Variants in RANBP17 observed in about 807,000 individuals in gnomAD.
RANBP17 encodes the protein ran-binding protein 17.
RANBP17 carries 158 observed loss-of-function variants against 141.2 expected under a neutral mutation model. The observed-to-expected ratio is 1.12, with a 90% confidence interval of 0.98 to 1.28. RANBP17 has a LOEUF of 1.28. Among genes scored for constraint, RANBP17 ranks in the 50% most tolerant of loss-of-function variants. The pLI, the probability that RANBP17 is intolerant of heterozygous loss-of-function variation, is 0.00. For missense variants in RANBP17, 1,438 were observed against 1,290.7 expected, an observed-to-expected ratio of 1.11 and a Z score of -1.75; for synonymous variants, 430 against 450.0, an observed-to-expected ratio of 0.96 and a Z score of 0.56.
At chr5:170,914,364 A>G (rs569441429) in intron 8 of RANBP17, 124 bp downstream of exon 8, 2 of 657,818 alleles carry the variant, frequency 3.0e-6, no homozygotes, top group East Asian at 2.7e-5. Context: ...AAGTTCTTAT[A>G]TTTTCTGGGA....
intron 16 of RANBP17, among the ~76,000 whole-genome samples, chr5:171,173,635 C>T (rs1358997650): frequency 6.6e-6 from 1 of 151,972 alleles, no homozygotes; most frequent in African/African-American, 2.4e-5. Flanking sequence ...CACACAAGAC[C>T]CCCATTTTTA....
intron 25 of RANBP17, among the ~76,000 whole-genome samples, chr5:171,268,624 G>A (rs1181246755): frequency 6.6e-6 from 1 of 151,856 alleles, no homozygotes; most frequent in East Asian, 1.9e-4. Flanking sequence ...CATGAAGAAG[G>A]TTGAGGATCA....
intron 14 of RANBP17, among the ~76,000 whole-genome samples, chr5:171,055,117 A>C (rs904593974): frequency 1.3e-5 from 2 of 152,218 alleles, no homozygotes; most frequent in African/African-American, 4.8e-5. Context: ...AATTATCCCA[A>C]GTAAAGAGAG....
chr5:170,928,771 T>C lies in RANBP17; in HGVS notation c.1468+4221T>C, dbSNP rs374781424. 2.9e-4 allele frequency among the ~76,000 whole-genome samples: 7 copies of C among 24,300 alleles called. No homozygotes were observed. The East Asian group carries it at 0.023, about 81-fold the overall frequency. 15.9% of individuals were successfully genotyped at this position (24,300 alleles called of 152,430 possible). On this transcript the variant is annotated intron_variant, in intron 12 of 27. Transcript: ENST00000523189. The stretch of plus-strand genomic sequence containing the variant: ...ATCAGGTAATACAAATTATTTAACC[T>C]TTTTTTTTTTTCAAAACCGTTTGGC...
chr5:171,063,881 C>G (rs1581537702), intron 14 of RANBP17, among the ~76,000 whole-genome samples: 1 of 152,344 alleles, frequency 6.6e-6, no homozygotes, highest in East Asian at 1.9e-4. Context: ...CGCCCCTCCC[C>G]CAGCCTCGCT....
chr5:170,925,350 A>G (rs1772833326), intron 12 of RANBP17, among the ~76,000 whole-genome samples: 1 of 152,184 alleles, frequency 6.6e-6, no homozygotes. Flanking sequence ...CACAGTACTG[A>G]TGAGGGGCTA....
intron 14 of RANBP17, among the ~76,000 whole-genome samples, chr5:170,986,390 G>A (rs1056391275): frequency 6.6e-6 from 1 of 151,868 alleles, no homozygotes; most frequent in Non-Finnish European, 1.5e-5. Context: ...TGCTCCAGTA[G>A]TGTAACTATA....
At chr5:171,210,677 A>G (rs558934441) in intron 20 of RANBP17, among the ~76,000 whole-genome samples, 1 of 152,090 alleles carries the variant, frequency 6.6e-6, no homozygotes, top group South Asian at 2.1e-4. Context: ...TATGTTGGTC[A>G]CCCTAATTTG....
chr5:171,069,547 C>T (rs779657), intron 14 of RANBP17, among the ~76,000 whole-genome samples: 92,987 of 151,990 alleles, frequency 0.61, 29,809 homozygotes, highest in South Asian at 0.88. Context: ...TCTGAAAATA[C>T]TATTTCTGCA....
At chr5:171,178,743 G>T (rs1356775418) in intron 16 of RANBP17, among the ~76,000 whole-genome samples, 2 of 152,114 alleles carry the variant, frequency 1.3e-5, no homozygotes, top group Non-Finnish European at 2.9e-5. Flanking sequence ...TCTCATTGTG[G>T]TTTTGATTTG....
chr5:171,267,026 C>CTTTTTTTTT (rs35762251), intron 25 of RANBP17, among the ~76,000 whole-genome samples: 49 of 114,622 alleles, frequency 4.3e-4, no homozygotes, highest in African/African-American at 5.2e-4. Flanking sequence ...ATTTTCTTTT[C>CTTTTTTTTT]TTTTTTTTTT....
intron 14 of RANBP17, among the ~76,000 whole-genome samples, chr5:171,035,456 G>A (rs1781809999): frequency 6.6e-6 from 1 of 151,700 alleles, no homozygotes; most frequent in Non-Finnish European, 1.5e-5. Context: ...TTAATATATT[G>A]GATATGACCT....
intron 14 of RANBP17, among the ~76,000 whole-genome samples, chr5:171,129,398 C>T (rs1380808128): frequency 1.3e-5 from 2 of 152,142 alleles, no homozygotes; most frequent in African/African-American, 4.8e-5. Context: ...GCTGTGTGGA[C>T]TTTTAGCTTA....
chr5:171,293,596 G>A (rs1412932046), intron 25 of RANBP17, among the ~76,000 whole-genome samples: 3 of 152,212 alleles, frequency 2.0e-5, no homozygotes, highest in African/African-American at 7.2e-5. Flanking sequence ...TTGAGAGGCA[G>A]GGACTGATCA....
At chr5:171,175,907 C>A (rs967157699) in intron 16 of RANBP17, among the ~76,000 whole-genome samples, 1 of 151,890 alleles carries the variant, frequency 6.6e-6, no homozygotes, top group Non-Finnish European at 1.5e-5. Context: ...CAGGGCCCAC[C>A]TCAAAAAGAA....
chr5:171,197,802 G>T (rs1394742979), intron 18 of RANBP17, among the ~76,000 whole-genome samples: 1 of 152,180 alleles, frequency 6.6e-6, no homozygotes, highest in Non-Finnish European at 1.5e-5. Context: ...AATTTGGGAG[G>T]CCGAGGCGGG....
intron 14 of RANBP17, among the ~76,000 whole-genome samples, chr5:171,047,586 G>A (rs954688171): frequency 6.6e-6 from 1 of 151,258 alleles, no homozygotes; most frequent in Middle Eastern, 3.3e-3. Flanking sequence ...GATTACAGGC[G>A]CATGCCACCA....
Position 171,074,315 on chromosome 5 carries a change from A to G in RANBP17, c.1711-95815A>G, listed in dbSNP as rs1488286435. Among the ~76,000 whole-genome samples the G allele has an allele frequency of 2.6e-5, 4 of 152,310 alleles. No individual in the cohort carries two copies. The East Asian group carries it at 5.8e-4, about 22-fold the overall frequency. On this transcript the variant is annotated intron_variant, in intron 14 of 27. Transcript: ENST00000523189. ...ACTACTCTTCACAAGTGTCAAAGCC[A>G]TAAAAAACAAGGAAAAGTCTGAAAA...
chr5:171,125,296 C>CAAAAAAAA (rs3083436), intron 14 of RANBP17, among the ~76,000 whole-genome samples: 69 of 85,606 alleles, frequency 8.1e-4, no homozygotes, highest in Non-Finnish European at 9.4e-4. Context: ...GACTATGTAT[C>CAAAAAAAA]AAAAAAAAAA....
Sources: gnomAD v4.1 joint callset for allele counts (sites outside exome capture counted in the v4.1 genomes callset) on GRCh38, gnomAD v4.1.1 for gene constraint, MANE v1.5 for transcripts, NCBI Gene and HGNC (gene_info 2026-07-23, HGNC 2026-07-21) for gene names.